Variants in SEZ6L observed in about 807,000 individuals in gnomAD.
SEZ6L encodes the protein seizure 6-like protein.
SEZ6L carries 37 observed loss-of-function variants against 106.2 expected under a neutral mutation model. The observed-to-expected ratio is 0.35, with a 90% confidence interval of 0.27 to 0.46. The LOEUF is 0.46. Among genes scored for constraint, SEZ6L ranks in the 20% least tolerant of loss-of-function variants. The pLI is 1.00. For missense variants in SEZ6L, 1,172 were observed against 1,332.8 expected (o/e 0.88, Z 1.88); for synonymous variants, 541 against 570.4 (o/e 0.95, Z 0.73).
intron 1 of SEZ6L, among the ~76,000 whole-genome samples, chr22:26,212,479 G>C (rs539028355): frequency 3.2e-4 from 49 of 152,342 alleles, no homozygotes; most frequent in African/African-American, 1.1e-3. Context: ...ATAGAGGGCA[G>C]TGGCGCCATC....
intron 1 of SEZ6L, among the ~76,000 whole-genome samples, chr22:26,188,508 C>T (rs1939954591): frequency 6.6e-6 from 1 of 152,134 alleles, no homozygotes; most frequent in Non-Finnish European, 1.5e-5. Flanking sequence ...AGAGAGTGTC[C>T]TAAGAGCAAA....
intron 10 of SEZ6L, among the ~76,000 whole-genome samples, chr22:26,347,434 C>T (rs925266178): frequency 2.6e-5 from 4 of 151,994 alleles, no homozygotes; most frequent in Non-Finnish European, 5.9e-5. Context: ...ATTGTCCCCC[C>T]GTCACACCGT....
At chr22:26,320,640 G>A (rs570763803) in intron 9 of SEZ6L, among the ~76,000 whole-genome samples, 66 of 152,342 alleles carry the variant, frequency 4.3e-4, no homozygotes, top group African/African-American at 1.6e-3. Context: ...GAGCCATGTT[G>A]TAGGCTGATA....
At chr22:26,176,942 C>G (rs1296979367) in intron 1 of SEZ6L, among the ~76,000 whole-genome samples, 1 of 152,156 alleles carries the variant, frequency 6.6e-6, no homozygotes, top group Admixed American at 6.5e-5. Context: ...ACTGATAATG[C>G]CTGAGTTGCC....
intron 13 of SEZ6L, among the ~76,000 whole-genome samples, chr22:26,369,270 T>A (rs6005032): frequency 0.57 from 85,186 of 149,066 alleles, 25,223 homozygotes; most frequent in East Asian, 0.95. Flanking sequence ...AGCATGAGGG[T>A]TGCAATTTAA....
Position 26,325,474 on chromosome 22 carries a change from G to A in SEZ6L, c.2015+11572G>A, listed in dbSNP as rs1351240182. The stretch of plus-strand genomic sequence containing the variant: ...GAACTTGTGTAAAATCTCACAGCTA[G>A]GAAGAATAAGAGACAAGATTTGCAC... On this transcript the variant is annotated intron_variant, in intron 9 of 16. Coordinates refer to ENST00000248933, the MANE Select transcript of SEZ6L (RefSeq NM_021115.5). Among the ~76,000 whole-genome samples the A allele has an allele frequency of 3.3e-5, 5 of 152,326 alleles. No homozygotes were observed. In the East Asian group the frequency reaches 7.7e-4, roughly 24 times the overall value.
chr22:26,244,688 G>A (rs534354676), intron 1 of SEZ6L: 24 of 152,202 alleles, frequency 1.6e-4, no homozygotes, highest in African/African-American at 5.5e-4. Context: ...CTGAAGCAAA[G>A]GCTATGTTGA....
At chr22:26,333,841 C>G (rs903406013) in intron 9 of SEZ6L, among the ~76,000 whole-genome samples, 1 of 152,086 alleles carries the variant, frequency 6.6e-6, no homozygotes, top group African/African-American at 2.4e-5. Context: ...AAGGCTGAAA[C>G]TAAGGGGTGG....
In SEZ6L at chr22:26,293,529, C is replaced by T. The variant is rs185742461; in HGVS notation, c.835+383C>T. Among the ~76,000 whole-genome samples, 7 of 152,234 alleles carry T rather than the reference C, an allele frequency of 4.6e-5. No homozygotes were observed. The East Asian group carries it at 1.4e-3, about 29-fold the overall frequency. ...TGTTTTTTGTAGAAAGGGGGTCTTG[C>T]TTATTGTCCAGGCTGGGGAACTCCT... is the stretch of plus-strand genomic sequence containing the variant. On this transcript the variant is annotated intron_variant, in intron 2 of 16. Transcript: ENST00000248933.
In SEZ6L at chr22:26,315,155, A is replaced by T. The variant is rs569227059; in HGVS notation, c.2015+1253A>T. Among the ~76,000 whole-genome samples, 3 of 152,304 alleles carry T rather than the reference A, an allele frequency of 2.0e-5. No individual in the cohort carries two copies. The South Asian group carries it at 6.2e-4, about 32-fold the overall frequency. The stretch of plus-strand genomic sequence containing the variant: ...AGAAATTATTTTCAAATTATTAGTG[A>T]CCGGCTTTTGAGGCTGTTCCTTAGA... On this transcript the variant is annotated intron_variant, in intron 9 of 16. Transcript: ENST00000248933.
chr22:26,236,941 C>A (rs2078974462), intron 1 of SEZ6L, among the ~76,000 whole-genome samples: 1 of 152,142 alleles, frequency 6.6e-6, no homozygotes, highest in African/African-American at 2.4e-5. Context: ...AACCCTCAAC[C>A]AGAACCTGTC....
chr22:26,382,206 G>C lies in SEZ6L; in HGVS notation c.*1911G>C, dbSNP rs529455195. 10 of 297,140 alleles carry C rather than the reference G, an allele frequency of 3.4e-5. No individual in the cohort carries two copies. Among genetic ancestry groups the C allele is most frequent in the Non-Finnish European group, 6.8e-5 (10 of 146,938 alleles). 18.4% of individuals were successfully genotyped at this position (297,140 alleles called of 1,614,324 possible). A position where few individuals can be genotyped will look rare whatever the true frequency, so the allele number is the denominator to read the frequency against. On this transcript the variant is annotated 3_prime_UTR_variant, in exon 17 of 17. Coordinates refer to ENST00000248933, the MANE Select transcript of SEZ6L (RefSeq NM_021115.5). ...ATGCAAGAACCAGAGAAGTGTTCTA[G>C]GCCATTAGTGGACAATGTCATGTTT...
chr22:26,315,873 C>T (rs1181331349), intron 9 of SEZ6L, among the ~76,000 whole-genome samples: 4 of 151,980 alleles, frequency 2.6e-5, no homozygotes, highest in African/African-American at 9.7e-5. Flanking sequence ...GCCTAGGCAA[C>T]ATAGTGAGAC....
At chr22:26,287,089 TCCC>T in intron 1 of SEZ6L, among the ~76,000 whole-genome samples, 1 of 151,318 alleles carries the variant, frequency 6.6e-6, no homozygotes, top group African/African-American at 2.4e-5. Context: ...AATAGGATGT[TCCC>T]AGTCTAATCT....
At chr22:26,290,336 C>A (rs1422826069) in intron 1 of SEZ6L, among the ~76,000 whole-genome samples, 1 of 152,120 alleles carries the variant, frequency 6.6e-6, no homozygotes, top group African/African-American at 2.4e-5. Flanking sequence ...TCGAGACCAT[C>A]CTGGCTAACA....
At position 26,310,745 on chromosome 22, in the gene SEZ6L, T is replaced by G. The variant is rs753979191; in HGVS notation, c.1590T>G (p.Phe530Leu). ...YDSLQTESVP[F>L]EGLLSEGNTI... is the part of the protein sequence containing the mutation. ...CCCTTCAAACCGAGAGTGTCCCTTT[T>G]GAGGGCCTGCTGAGCGAAGGCAACA... Residue 530 changes from phenylalanine (F) to leucine (L), a missense_variant, in exon 7 of 17, where the codon TTT (phenylalanine) becomes TTG (leucine). Around this residue, in one of 4 missense-constraint regions of SEZ6L, gnomAD observed 534 missense variants for 691.0 expected, o/e 0.77. Transcript: ENST00000248933. 3.1e-6 allele frequency: 5 copies of G among 1,613,930 alleles called. No individual in the cohort carries two copies. The African/African-American group carries it at 6.7e-5, about 22-fold the overall frequency.
chr22:26,252,450 A>G (rs1411147663), intron 1 of SEZ6L, among the ~76,000 whole-genome samples: 2 of 152,236 alleles, frequency 1.3e-5, no homozygotes, highest in Non-Finnish European at 2.9e-5. Flanking sequence ...TTCATGGGGT[A>G]CATGTACAGG....
intron 4 of SEZ6L, among the ~76,000 whole-genome samples, chr22:26,297,842 TC>T (rs1256603449): frequency 6.6e-6 from 1 of 151,214 alleles, no homozygotes; most frequent in African/African-American, 2.4e-5. Flanking sequence ...TCTCTCTCTC[TC>T]CTTTCCTAGT....
rs607129 is a variant in SEZ6L, at chr22:26,272,840, A to C, written c.95-19566A>C. On this transcript the variant is annotated intron_variant, in intron 1 of 16. Coordinates refer to ENST00000248933, the MANE Select transcript of SEZ6L (RefSeq NM_021115.5). Reference sequence around the variant, plus strand: ...AGTTAATGGGGCTCATATCAGACAGACCTGGGTTTGAATCCCAGACCCATC... The same window carrying C: ...AGTTAATGGGGCTCATATCAGACAGCCCTGGGTTTGAATCCCAGACCCATC... 1.2e-3 allele frequency among the ~76,000 whole-genome samples: 178 copies of C among 152,146 alleles called. 1 individual carries two copies. The highest frequency in any genetic ancestry group is 4.1e-3 in the African/African-American group (170 of 41,500).
Sources: gnomAD v4.1 joint callset for allele counts (sites outside exome capture counted in the v4.1 genomes callset) on GRCh38, gnomAD v4.1.1 for gene constraint, gnomAD v4.1.1 regional missense constraint, MANE v1.5 for transcripts, NCBI Gene and HGNC (gene_info 2026-07-23, HGNC 2026-07-21) for gene names.